The following TOX4 variants were observed in gnomAD, a reference collection of about 807,000 sequenced individuals.
The protein encoded by TOX4 is epidermal Langerhans cell protein LCP1.
In TOX4, 12 loss-of-function variants were observed where a neutral mutation model predicts 61.0. The ratio of observed to expected loss-of-function variants is 0.20; its 90% CI spans 0.13 to 0.32. The LOEUF (loss-of-function observed/expected upper bound fraction) is 0.32. Among genes scored for constraint, TOX4 ranks in the 10% least tolerant of loss-of-function variants. The pLI is 1.00. For synonymous variants in TOX4, 268 were observed against 274.8 expected (o/e 0.98, Z 0.24); for missense variants, 499 against 753.3 (o/e 0.66, Z 3.95).
At chr14:21,496,479 TA>T in intron 8 of TOX4, 66 bp from the exon 9 acceptor site, 2 of 1,465,292 alleles carry the variant, frequency 1.4e-6, no homozygotes, top group Middle Eastern at 3.5e-4. Context: ...AAAAAAAATG[TA>T]TCTAGGCTGT....
intron 8 of TOX4, 144 bp downstream of exon 8, chr14:21,495,536 TC>T: frequency 1.1e-6 from 1 of 939,332 alleles, no homozygotes; most frequent in South Asian, 1.9e-5. Flanking sequence ...CTAGAAAAGC[TC>T]CCCTGCTTAA....
At chr14:21,493,288 G>T (rs752615688) in intron 7 of TOX4, 31 bp downstream of exon 7, 2 of 1,558,640 alleles carry the variant, frequency 1.3e-6, no homozygotes, top group Non-Finnish European at 1.7e-6. Flanking sequence ...CTTTAGTCTA[G>T]TGGAAATGTA....
Position 21,483,691 on chromosome 14 carries a change from A to C in TOX4, c.76-3760A>C, listed in dbSNP as rs1162086879. Among the ~76,000 whole-genome samples the C allele has an allele frequency of 2.6e-5, 4 of 152,010 alleles. No homozygotes were observed. The South Asian group carries it at 8.3e-4, about 31-fold the overall frequency. ...CCCTGTCTCAGAATTAAAAAAAACAACAACAAAACAACATACATAAATACA... is the reference window on the plus strand; with the variant it reads ...CCCTGTCTCAGAATTAAAAAAAACACCAACAAAACAACATACATAAATACA... On this transcript the variant is annotated intron_variant, in intron 2 of 8. Transcript: ENST00000448790.
Position 21,493,220 on chromosome 14 carries a change from A to C in TOX4, c.1604A>C (p.Glu535Ala). 3 of 1,613,822 alleles carry C rather than the reference A, an allele frequency of 1.9e-6. No homozygotes were observed. Among genetic ancestry groups the C allele is most frequent in the Non-Finnish European group, 2.5e-6 (3 of 1,179,928 alleles). Residue 535 changes from glutamate to alanine, a missense_variant, in exon 7 of 9, where the codon GAG becomes GCG. Physicochemically the swap from Glu to Ala is moderately radical, Grantham distance 107. This residue lies in a region of TOX4 where 296 missense variants were observed against 404.7 expected (regional missense o/e 0.73). Coordinates refer to ENST00000448790, the MANE Select transcript of TOX4 (RefSeq NM_014828.4). ...EAHTVEAPSP[E>A]TICEMITDVV... ...CATACAGTGGAGGCACCTTCTCCTG[A>C]GACTATCTGTGAGATGATCACAGAT...
chr14:21,482,597 A>G (rs1891123551), intron 2 of TOX4: 3 of 469,826 alleles, frequency 6.4e-6, no homozygotes, highest in Non-Finnish European at 1.3e-5. Flanking sequence ...GAGGAAAGGA[A>G]AGCTAAGTTA....
intron 8 of TOX4, 57 bp downstream of exon 8, chr14:21,495,449 CAT>C (rs1314760348): frequency 1.5e-5 from 23 of 1,556,140 alleles, no homozygotes; most frequent in Admixed American, 3.6e-5. Context: ...TACTGGGAAA[CAT>C]AGGAATCTTG....
chr14:21,494,492 A>G (rs981357083), intron 7 of TOX4, among the ~76,000 whole-genome samples: 6 of 152,190 alleles, frequency 3.9e-5, no homozygotes, highest in African/African-American at 1.4e-4. Flanking sequence ...TCACGCCTGT[A>G]ATCCCAGCAC....
At position 21,497,319 on chromosome 14, in the gene TOX4, A is replaced by G. The variant is rs1389141692; in HGVS notation, c.*713A>G. On this transcript the variant is annotated 3_prime_UTR_variant, in exon 9 of 9. Transcript: ENST00000448790. ...TATCATTATTTCTTAGACATAATCTAAAGAAAAACAGACTAGAGAAGCCAC... is the reference window on the plus strand; with the variant it reads ...TATCATTATTTCTTAGACATAATCTGAAGAAAAACAGACTAGAGAAGCCAC... 2 of 152,152 alleles carry G rather than the reference A, an allele frequency of 1.3e-5. No homozygotes were observed. The allele number at this position is 152,152 out of a possible 1,614,324, so 9.4% of individuals were successfully genotyped here.
At chr14:21,484,329 C>CTTTTTTTTTT (rs533570141) in intron 2 of TOX4, among the ~76,000 whole-genome samples, 2 of 44,234 alleles carry the variant, frequency 4.5e-5, no homozygotes, top group African/African-American at 1.6e-4. Flanking sequence ...CTAGCAATGT[C>CTTTTTTTTTT]TTTTTTTTTT....
intron 7 of TOX4, among the ~76,000 whole-genome samples, chr14:21,493,895 G>A (rs572151635): frequency 9.2e-5 from 14 of 151,760 alleles, no homozygotes; most frequent in Non-Finnish European, 1.8e-4. Context: ...GATTACAGGC[G>A]CCCACCACTA....
chr14:21,479,396 A>G (rs1891069814), intron 2 of TOX4, among the ~76,000 whole-genome samples: 2 of 151,844 alleles, frequency 1.3e-5, no homozygotes, highest in Admixed American at 1.3e-4. Flanking sequence ...CATGCCTGTA[A>G]TCCCAGCACT....
chr14:21,494,522 C>T (rs559275075), intron 7 of TOX4, among the ~76,000 whole-genome samples: 23 of 151,860 alleles, frequency 1.5e-4, no homozygotes, highest in Non-Finnish European at 2.7e-4. Context: ...CCGAGGTGGG[C>T]GGATCACGAG....
At chr14:21,495,155 C>T in intron 7 of TOX4, 74 bp from the exon 8 acceptor site, 1 of 1,530,288 alleles carries the variant, frequency 6.5e-7, no homozygotes. Context: ...TTGGTTTCTA[C>T]AGATAATTTA....
At chr14:21,495,508 G>A (rs867513322) in intron 8 of TOX4, 116 bp downstream of exon 8, 1 of 1,279,612 alleles carries the variant, frequency 7.8e-7, no homozygotes, top group Non-Finnish European at 1.1e-6. Context: ...GGTAGAGTAG[G>A]TTGCTGTATC....
At chr14:21,477,459 C>T (rs747750889) in intron 1 of TOX4, 37 bp from the exon 2 acceptor site, 2 of 1,612,666 alleles carry the variant, frequency 1.2e-6, no homozygotes, top group South Asian at 1.1e-5. Context: ...TCCCTGCTCC[C>T]CCTAACTTAT....
intron 5 of TOX4, among the ~76,000 whole-genome samples, chr14:21,491,014 A>G (rs1891279662): frequency 6.6e-6 from 1 of 152,226 alleles, no homozygotes; most frequent in African/African-American, 2.4e-5. Flanking sequence ...TAGTAGAGAC[A>G]GGGTTTCACC....
At chr14:21,481,451 T>C (rs993326417) in intron 2 of TOX4, among the ~76,000 whole-genome samples, 1 of 152,196 alleles carries the variant, frequency 6.6e-6, no homozygotes, top group Non-Finnish European at 1.5e-5. Flanking sequence ...AGTGCTGGGA[T>C]TATAGCTGTG....
chr14:21,493,344 G>A (rs1355993219), intron 7 of TOX4, 87 bp downstream of exon 7: 20 of 1,438,580 alleles, frequency 1.4e-5, no homozygotes, highest in Admixed American at 2.5e-5. Context: ...GTTGCTACTA[G>A]CATTTAATGC....
rs754550278 is a variant in TOX4 at position 21,492,488 on chromosome 14, T to C, written c.892-20T>C. 12 of 1,611,000 alleles carry C rather than the reference T, an allele frequency of 7.4e-6. No individual in the cohort carries two copies. The highest frequency in any genetic ancestry group is 8.5e-6 in the Non-Finnish European group (10 of 1,178,200). On this transcript the variant is annotated intron_variant, in intron 6 of 8. Coordinates refer to ENST00000448790, the MANE Select transcript of TOX4 (RefSeq NM_014828.4). ...CCAAGTGATTGATTAATTGATAGAT[T>C]GATTTATGTCTTCTTTTAGGCCACT...
Sources: allele counts gnomAD v4.1 joint callset (sites outside exome capture counted in the v4.1 genomes callset), GRCh38; gene constraint gnomAD v4.1.1; regional missense constraint gnomAD v4.1.1; transcripts MANE v1.5; gene names NCBI Gene and HGNC (gene_info 2026-07-23, HGNC 2026-07-21).